The following PLEKHM3 variants were observed in gnomAD, a reference collection of about 807,000 sequenced individuals.
PLEKHM3 encodes the protein pleckstrin homology domain containing M3, also known as pleckstrin homology domain-containing family M member 3.
A neutral mutation model predicts 81.8 loss-of-function variants in PLEKHM3; 45 were observed. The observed-to-expected ratio is 0.55, with a 90% CI of 0.43 to 0.71. The LOEUF (loss-of-function observed/expected upper bound fraction) is 0.71, where lower values mean the gene tolerates loss of function less well. Among genes scored for constraint, PLEKHM3 ranks in the 30% least tolerant of loss-of-function variants. The pLI is 0.00. For missense variants in PLEKHM3, 788 were observed against 924.3 expected, an observed-to-expected ratio of 0.85 and a Z score of 1.91; for synonymous variants, 352 against 356.4, an observed-to-expected ratio of 0.99 and a Z score of 0.14.
At chr2:207,886,921 C>T (rs1048241273) in intron 6 of PLEKHM3, among the ~76,000 whole-genome samples, 1 of 152,150 alleles carries the variant, frequency 6.6e-6, no homozygotes, top group African/African-American at 2.4e-5. Context: ...CATGTACCAG[C>T]TCATGACCCT....
chr2:208,020,765 A>G (rs1693102479), intron 1 of PLEKHM3, among the ~76,000 whole-genome samples: 1 of 152,214 alleles, frequency 6.6e-6, no homozygotes, highest in Non-Finnish European at 1.5e-5. Flanking sequence ...AGGGGTTAAC[A>G]TTTGCTGAAG....
At chr2:207,993,708 A>G (rs578155337) in intron 2 of PLEKHM3, among the ~76,000 whole-genome samples, 145 of 152,232 alleles carry the variant, frequency 9.5e-4, no homozygotes, top group Admixed American at 1.6e-3. Context: ...GACGGAAACA[A>G]AAGCCCAGTT....
intron 5 of PLEKHM3, among the ~76,000 whole-genome samples, chr2:207,928,461 A>G (rs1689479829): frequency 6.6e-6 from 1 of 152,260 alleles, no homozygotes; most frequent in South Asian, 2.1e-4. Context: ...ATATAAGAAC[A>G]GTCTAGGATA....
chr2:207,831,132 C>T (rs929030519), intron 7 of PLEKHM3, among the ~76,000 whole-genome samples: 4 of 152,210 alleles, frequency 2.6e-5, no homozygotes, highest in Middle Eastern at 3.2e-3. Flanking sequence ...AGGACTGCTC[C>T]GGCCAGGGTG....
rs949591711 is a variant in PLEKHM3, at chr2:207,825,946, G to T, written c.*2373C>A. The T allele has an allele frequency of 1.3e-5, 2 of 152,208 alleles. No homozygotes were observed. Among genetic ancestry groups the T allele is most frequent in the Admixed American group, 6.5e-5 (1 of 15,276 alleles). The allele number at this position is 152,208 out of a possible 1,614,324, so 9.4% of individuals were successfully genotyped here. A position where few individuals can be genotyped will look rare whatever the true frequency, so the allele number is the denominator to read the frequency against. On this transcript the variant is annotated 3_prime_UTR_variant, in exon 8 of 8. Transcript: ENST00000427836. Reference sequence around the variant, plus strand: ...TGAAAACAAAGATGTTTTGAACGGGGATCCAGAATTTCGCCCTTGACTCTC... The same window carrying T: ...TGAAAACAAAGATGTTTTGAACGGGTATCCAGAATTTCGCCCTTGACTCTC...
At chr2:207,871,595 C>T (rs763122642) in intron 6 of PLEKHM3, among the ~76,000 whole-genome samples, 71 of 152,038 alleles carry the variant, frequency 4.7e-4, no homozygotes, top group Non-Finnish European at 8.2e-4. Flanking sequence ...AAAGATGAAA[C>T]CGAGAAGGCA....
chr2:208,004,888 G>A (rs917530797), intron 1 of PLEKHM3, among the ~76,000 whole-genome samples: 5 of 151,982 alleles, frequency 3.3e-5, no homozygotes, highest in African/African-American at 7.3e-5. Flanking sequence ...GAAGTGGCAC[G>A]ATTTCAGCTC....
chr2:207,932,845 T>C (rs1055265260), intron 4 of PLEKHM3, among the ~76,000 whole-genome samples: 1 of 152,108 alleles, frequency 6.6e-6, no homozygotes, highest in African/African-American at 2.4e-5. Context: ...GAAACAAACA[T>C]AAAAACCCCT....
chr2:208,000,913 A>C (rs559255164), intron 2 of PLEKHM3, 117 bp downstream of exon 2: 3 of 1,016,536 alleles, frequency 3.0e-6, no homozygotes, highest in African/African-American at 3.3e-5. Flanking sequence ...AGAGAGACAA[A>C]GGAAAAACCA....
At chr2:207,861,868 T>C (rs1243663893) in intron 6 of PLEKHM3, among the ~76,000 whole-genome samples, 2 of 152,170 alleles carry the variant, frequency 1.3e-5, no homozygotes, top group Admixed American at 1.3e-4. Context: ...AATTTAAAAA[T>C]TGGGAAATTT....
chr2:208,015,762 T>A (rs1262190620), intron 1 of PLEKHM3, among the ~76,000 whole-genome samples: 1 of 152,180 alleles, frequency 6.6e-6, no homozygotes, highest in Non-Finnish European at 1.5e-5. Flanking sequence ...ATTTAGCCAA[T>A]AAATAGAAAC....
chr2:207,901,377 A>T lies in PLEKHM3; in HGVS notation c.1950+7137T>A. The T allele has an allele frequency of 5.7e-6, 4 of 702,542 alleles. No individual in the cohort carries two copies. In the South Asian group the frequency reaches 5.9e-5, roughly 10 times the overall value. 43.5% of individuals were successfully genotyped at this position (702,542 alleles called of 1,614,324 possible). ...AGCACCTTGCTAATCACCTGCTTTAACCCACTCAGCTAACTGGCCCCATCA... is the reference window on the plus strand; with the variant it reads ...AGCACCTTGCTAATCACCTGCTTTATCCCACTCAGCTAACTGGCCCCATCA... On this transcript the variant is annotated intron_variant, in intron 6 of 7. Transcript: ENST00000427836.
At chr2:207,933,301 A>G (rs1322392264) in intron 4 of PLEKHM3, among the ~76,000 whole-genome samples, 1 of 152,194 alleles carries the variant, frequency 6.6e-6, no homozygotes, top group Non-Finnish European at 1.5e-5. Flanking sequence ...TAAAACAAAC[A>G]TGGCCCTGTC....
chr2:207,990,268 G>A (rs537539462), intron 2 of PLEKHM3, among the ~76,000 whole-genome samples: 10 of 152,200 alleles, frequency 6.6e-5, no homozygotes, highest in African/African-American at 2.2e-4. Flanking sequence ...TGGCTTTGAA[G>A]GTCCTCCAAA....
chr2:207,889,137 A>C (rs1411190164), intron 6 of PLEKHM3, among the ~76,000 whole-genome samples: 1 of 152,216 alleles, frequency 6.6e-6, no homozygotes, highest in Non-Finnish European at 1.5e-5. Context: ...TGTCACCAAA[A>C]TAGGGAGAAA....
At chr2:207,830,726 C>CTT (rs1397451617) in intron 7 of PLEKHM3, among the ~76,000 whole-genome samples, 1 of 143,286 alleles carries the variant, frequency 7.0e-6, no homozygotes, top group African/African-American at 2.7e-5. Flanking sequence ...TTAGAAGTGT[C>CTT]CTAAGTTGGG....
At chr2:207,908,367 A>C in intron 6 of PLEKHM3, 147 bp downstream of exon 6, 1 of 772,718 alleles carries the variant, frequency 1.3e-6, no homozygotes, top group Non-Finnish European at 2.1e-6. Context: ...TTTTATACTA[A>C]GTTTTCCCCC....
intron 7 of PLEKHM3, among the ~76,000 whole-genome samples, chr2:207,834,930 G>T (rs972490424): frequency 6.6e-6 from 1 of 151,026 alleles, no homozygotes; most frequent in Non-Finnish European, 1.5e-5. Flanking sequence ...AAGCAGTTAG[G>T]TTTCAACAAC....
In PLEKHM3 at chr2:207,843,663, G is replaced by A. The variant is rs1311106125; in HGVS notation, c.2109-15167C>T. 3.3e-5 allele frequency among the ~76,000 whole-genome samples: 5 copies of A among 152,046 alleles called. No individual in the cohort carries two copies. ...TGACTCCTGTGTCTTCTGCTACCAA[G>A]GGAAATTTGCTTGTCTCTTTGCAAT... On this transcript the variant is annotated intron_variant, in intron 7 of 7. Coordinates refer to ENST00000427836, the MANE Select transcript of PLEKHM3 (RefSeq NM_001080475.3). The surrounding 1 kb of genome is among the most constrained non-coding windows in gnomAD (Gnocchi z 4.4).
Sources: gnomAD v4.1 joint callset for allele counts (sites outside exome capture counted in the v4.1 genomes callset) on GRCh38, gnomAD v4.1.1 for gene constraint, Gnocchi (gnomAD v3.1) non-coding constraint, MANE v1.5 for transcripts, NCBI Gene and HGNC (gene_info 2026-07-23, HGNC 2026-07-21) for gene names.